DGAT1: variants seen among roughly 807,000 people sequenced by gnomAD.
DGAT1 encodes ACAT related gene product 1.
In DGAT1, 60 loss-of-function variants were observed where a neutral mutation model predicts 72.6. That is an observed-to-expected ratio of 0.83 (90% CI 0.67 to 1.02). The LOEUF is 1.02. Among genes scored for constraint, DGAT1 ranks in the 50% least tolerant of loss-of-function variants. The probability of loss-of-function intolerance (pLI) is 0.00; values close to 1 mark genes in which losing one functional copy is unlikely to be tolerated. For synonymous variants in DGAT1, 290 were observed against 267.5 expected (o/e 1.08, Z -0.82); for missense variants, 592 against 670.0 (o/e 0.88, Z 1.29).
In DGAT1 at chr8:144,318,866, G is replaced by A; in HGVS notation, c.384C>T (p.Pro128=). 1 of 1,612,346 alleles carries A rather than the reference G, an allele frequency of 6.2e-7. No homozygotes were observed. Residue 128 remains proline (P), a synonymous_variant, in exon 4 of 17, where the codon CCC becomes CCT. Transcript: ENST00000528718. Reference sequence around the variant, plus strand: ...CCAGGCATGGGGCGGGCCAGCTATAGGGATCCTTCAGGAACAGAGAAACCA... The same window carrying A: ...CCAGGCATGGGGCGGGCCAGCTATAAGGATCCTTCAGGAACAGAGAAACCA... The part of the protein sequence containing the change: ...IQVVSLFLKD[P]YSWPAPCLVI...
In DGAT1 at chr8:144,320,604, C is replaced by T. The variant is rs146777846; in HGVS notation, c.288+717G>A. Among the ~76,000 whole-genome samples, 402 of 152,256 alleles carry T rather than the reference C, an allele frequency of 2.6e-3. 1 individual carries two copies. The highest frequency in any genetic ancestry group is 4.6e-3 in the Non-Finnish European group (313 of 67,990). The stretch of plus-strand genomic sequence containing the variant: ...GCTGGGCCCAGATAGCCCTTGTCCC[C>T]GACCTGCCCTGCAGGTGCCCCTTTG... On this transcript the variant is annotated intron_variant, in intron 2 of 16. Transcript: ENST00000528718.
intron 1 of DGAT1, among the ~76,000 whole-genome samples, chr8:144,323,261 T>C (rs971222165): frequency 2.4e-4 from 36 of 152,006 alleles, no homozygotes; most frequent in African/African-American, 8.5e-4. Context: ...CGGGAAAGGG[T>C]GGTGCTTCCC....
Position 144,318,522 on chromosome 8 carries a change from GTTGGC to G in DGAT1, c.508_512del (p.Ala170ProfsTer16). 1 of 1,611,892 alleles carries G rather than the reference GTTGGC, an allele frequency of 6.2e-7. No homozygotes were observed. The highest frequency in any genetic ancestry group is 8.5e-7 in the Non-Finnish European group (1 of 1,179,952). ...CTGGGAAACACAGAATGGTGGCCAG[GTTGGC>G]CACGTGCAGCAGCAGTCCCGCCTGC... On this transcript the variant is annotated frameshift_variant, in exon 6 of 17. Transcript: ENST00000528718. LOFTEE classifies it high-confidence loss of function.
intron 15 of DGAT1, 34 bp downstream of exon 15, chr8:144,316,988 A>G: frequency 6.2e-7 from 1 of 1,611,332 alleles, no homozygotes; most frequent in Non-Finnish European, 8.5e-7. Flanking sequence ...ACCCCTGCCC[A>G]GGGATGAGGC....
chr8:144,316,912 G>C lies in DGAT1; in HGVS notation c.1252C>G (p.Leu418Val). The C allele has an allele frequency of 6.2e-7, 1 of 1,612,588 alleles. No individual in the cohort carries two copies. The highest frequency in any genetic ancestry group is 8.5e-7 in the Non-Finnish European group (1 of 1,179,768). ...AACATTCGCAGAGGGACGCTCACCAGGTACTGAGATGGGAGGGAGAGAGGA... is the reference window on the plus strand; with the variant it reads ...AACATTCGCAGAGGGACGCTCACCACGTACTGAGATGGGAGGGAGAGAGGA... ...FLASAFFHEY[L>V]VSVPLRMFRL... Residue 418 changes from leucine to valine, a missense_variant, in exon 16 of 17, where the codon CTG (leucine) becomes GTG (valine). Coordinates refer to ENST00000528718, the MANE Select transcript of DGAT1 (RefSeq NM_012079.6).
Position 144,315,028 on chromosome 8 carries a change from G to C in DGAT1, c.*1526C>G. ...TGCGGGGCGGGCACACTGTCTTTCT[G>C]CCAGAGCCAGCACCCTGTGTAGGCA... On this transcript the variant is annotated 3_prime_UTR_variant, in exon 17 of 17. Transcript: ENST00000528718. 1 of 985,580 alleles carries C rather than the reference G, an allele frequency of 1.0e-6. No individual in the cohort carries two copies. The highest frequency in any genetic ancestry group is 1.2e-6 in the Non-Finnish European group (1 of 830,084). 61.1% of individuals were successfully genotyped at this position (985,580 alleles called of 1,614,324 possible).
chr8:144,324,800 G>C (rs1437975113), intron 1 of DGAT1, among the ~76,000 whole-genome samples: 1 of 151,860 alleles, frequency 6.6e-6, no homozygotes, highest in Non-Finnish European at 1.5e-5. Flanking sequence ...GGGCGCGGTG[G>C]CTCACACCTG....
Position 144,318,252 on chromosome 8 carries a change from G to A in DGAT1, c.676+9C>T, listed in dbSNP as rs782458128. 1.2e-6 allele frequency: 2 copies of A among 1,612,288 alleles called. No homozygotes were observed. The highest frequency in any genetic ancestry group is 1.7e-6 in the Non-Finnish European group (2 of 1,179,618). The stretch of plus-strand genomic sequence containing the variant: ...CAGCAGGCAGCCCCAGCCCCTGGCA[G>A]CCCCTCACCAGCCTTGGCCCTGGCC... On this transcript the variant is annotated intron_variant, in intron 7 of 16. Coordinates refer to ENST00000528718, the MANE Select transcript of DGAT1 (RefSeq NM_012079.6).
chr8:144,317,083 C>T lies in DGAT1; in HGVS notation c.1187G>A (p.Arg396Gln), dbSNP rs193169779. 62 of 1,612,948 alleles carry T rather than the reference C, an allele frequency of 3.8e-5. No individual in the cohort carries two copies. The Middle Eastern group carries it at 4.9e-4, about 13-fold the overall frequency. The change falls in exon 15 of 17, where the codon CGG (arginine) becomes CAG (glutamine). Residue 396 changes from arginine to glutamine, a missense_variant. Arg to Gln is a conservative substitution (Grantham distance 43, BLOSUM62 1). Transcript: ENST00000528718. ...CCTGGCCATCCACTTGCTGCTGCCC[C>T]GTCGAAGCATGGGCTTGTAGAAGTG... ...IRHFYKPMLR[R>Q]GSSKWMARTG...
chr8:144,319,113 A>T, intron 2 of DGAT1, 45 bp from the exon 3 acceptor site: 1 of 1,548,960 alleles, frequency 6.5e-7, no homozygotes, highest in Non-Finnish European at 8.7e-7. Flanking sequence ...AGTCCTGGCC[A>T]CAGGGTACTC....
At chr8:144,325,389 C>G (rs1554848667) in intron 1 of DGAT1, among the ~76,000 whole-genome samples, 1 of 152,198 alleles carries the variant, frequency 6.6e-6, no homozygotes. Flanking sequence ...CAGTGCCTGC[C>G]CTCCCCCAAC....
chr8:144,326,398 C>A, intron 1 of DGAT1, 39 bp downstream of exon 1: 1 of 1,378,960 alleles, frequency 7.3e-7, no homozygotes, highest in Non-Finnish European at 9.5e-7. Flanking sequence ...AGTCGCGGGG[C>A]CCTTGGGTCA....
In DGAT1 at chr8:144,314,801, GGCCGGGCT is replaced by G. The variant is rs1304655346; in HGVS notation, c.*1745_*1752del. On this transcript the variant is annotated 3_prime_UTR_variant, in exon 17 of 17. Transcript: ENST00000528718. ...TGAGGAGGGGCCCAGGGCACAGAAGGGCCGGGCTGCAGTGGCCTCCTGGGGGAAGACGG... is the reference window on the plus strand; with the variant it reads ...TGAGGAGGGGCCCAGGGCACAGAAGGGCAGTGGCCTCCTGGGGGAAGACGG... 1 of 634,486 alleles carries G rather than the reference GGCCGGGCT, an allele frequency of 1.6e-6. No individual in the cohort carries two copies. The highest frequency in any genetic ancestry group is 2.0e-5 in the African/African-American group (1 of 50,478). The allele number at this position is 634,486 out of a possible 1,614,324, so 39.3% of individuals were successfully genotyped here. A position where few individuals can be genotyped will look rare whatever the true frequency, so the allele number is the denominator to read the frequency against.
Position 144,315,555 on chromosome 8 carries a change from C to T in DGAT1, c.*999G>A. On this transcript the variant is annotated 3_prime_UTR_variant, in exon 17 of 17. Transcript: ENST00000528718. ...CAGTCACCCCAGCAAGGTAAGGCAG[C>T]AGCAGGGCCCTGGGGTTACCCCTGA... 2 of 985,568 alleles carry T rather than the reference C, an allele frequency of 2.0e-6. No individual in the cohort carries two copies. The highest frequency in any genetic ancestry group is 2.4e-6 in the Non-Finnish European group (2 of 830,018). 61.1% of individuals were successfully genotyped at this position (985,568 alleles called of 1,614,324 possible). A position where few individuals can be genotyped will look rare whatever the true frequency, so the allele number is the denominator to read the frequency against.
Position 144,315,412 on chromosome 8 carries a change from GC to G in DGAT1, c.*1141del. 1 of 985,502 alleles carries G rather than the reference GC, an allele frequency of 1.0e-6. No individual in the cohort carries two copies. The highest frequency in any genetic ancestry group is 1.2e-6 in the Non-Finnish European group (1 of 829,960). 61.0% of individuals were successfully genotyped at this position (985,502 alleles called of 1,614,324 possible). ...ACCAGTTCAGCAGGTTGCTGATGAG[GC>G]CCCTGGTGCAGTCCTGGGACCCTGT... On this transcript the variant is annotated 3_prime_UTR_variant, in exon 17 of 17. Transcript: ENST00000528718.
chr8:144,316,081 T>C lies in DGAT1; in HGVS notation c.*473A>G, dbSNP rs1283112191. The C allele has an allele frequency of 3.4e-6, 1 of 293,072 alleles. No individual in the cohort carries two copies. Among genetic ancestry groups the C allele is most frequent in the Non-Finnish European group, 5.2e-6 (1 of 192,376 alleles). The allele number at this position is 293,072 out of a possible 1,614,324, so 18.2% of individuals were successfully genotyped here. ...AGGAGTAGCACCAGGAGAGGACGCC[T>C]GAGCTGAGCTTTTCTAGGTAGGGGA... is the stretch of plus-strand genomic sequence containing the variant. On this transcript the variant is annotated 3_prime_UTR_variant, in exon 17 of 17. Coordinates refer to ENST00000528718, the MANE Select transcript of DGAT1 (RefSeq NM_012079.6).
At chr8:144,318,995 G>A (rs1817358795) in intron 3 of DGAT1, 33 bp downstream of exon 3, 2 of 1,558,002 alleles carry the variant, frequency 1.3e-6, no homozygotes, top group East Asian at 4.8e-5. Flanking sequence ...GGCCATGGGT[G>A]GGGCAGGGGT....
At position 144,316,131 on chromosome 8, in the gene DGAT1, T is replaced by A. The variant is rs1251393637; in HGVS notation, c.*423A>T. The A allele has an allele frequency of 1.9e-5, 4 of 205,882 alleles. No homozygotes were observed. The highest frequency in any genetic ancestry group is 3.7e-5 in the Non-Finnish European group (4 of 106,862). The allele number at this position is 205,882 out of a possible 1,614,324, so 12.8% of individuals were successfully genotyped here. A position where few individuals can be genotyped will look rare whatever the true frequency, so the allele number is the denominator to read the frequency against. ...AGTGTGGGGAATGGGGGCGTCTGCCTGGCCTTGCACTCCCCCTACCGGCCA... is the reference window on the plus strand; with the variant it reads ...AGTGTGGGGAATGGGGGCGTCTGCCAGGCCTTGCACTCCCCCTACCGGCCA... On this transcript the variant is annotated 3_prime_UTR_variant, in exon 17 of 17. Transcript: ENST00000528718.
chr8:144,326,746 G>T lies in DGAT1; in HGVS notation c.-110C>A. On this transcript the variant is annotated 5_prime_UTR_variant, in exon 1 of 17. Coordinates refer to ENST00000528718, the MANE Select transcript of DGAT1 (RefSeq NM_012079.6). ...TAGACAACGGCCGCCACTGCCCCCTGCCGGCCGCCGTAGCCCGGGTGACCG... is the reference window on the plus strand; with the variant it reads ...TAGACAACGGCCGCCACTGCCCCCTTCCGGCCGCCGTAGCCCGGGTGACCG... 2.1e-6 allele frequency: 2 copies of T among 933,346 alleles called. No individual in the cohort carries two copies. The highest frequency in any genetic ancestry group is 4.6e-5 in the South Asian group (1 of 21,616). 57.8% of individuals were successfully genotyped at this position (933,346 alleles called of 1,614,324 possible).
Sources: gnomAD v4.1 joint callset for allele counts (sites outside exome capture counted in the v4.1 genomes callset) on GRCh38, gnomAD v4.1.1 for gene constraint, MANE v1.5 for transcripts, NCBI Gene and HGNC (gene_info 2026-07-23, HGNC 2026-07-21) for gene names.